ABCB1: variants seen among roughly 807,000 people sequenced by gnomAD.
The protein encoded by ABCB1 is ATP-dependent translocase ABCB1.
A neutral mutation model predicts 142.0 loss-of-function variants in ABCB1; 69 were observed. That is an observed-to-expected ratio of 0.49 (90% CI 0.40 to 0.59). The LOEUF is 0.59. Ranked by LOEUF, ABCB1 falls within the 20% of genes least tolerant of loss-of-function variation. The probability of loss-of-function intolerance (pLI) is 0.00; values close to 1 mark genes in which losing one functional copy is unlikely to be tolerated. For synonymous variants in ABCB1, 532 were observed against 539.2 expected, an observed-to-expected ratio of 0.99 and a Z score of 0.18; for missense variants, 1,326 against 1,554.7, an observed-to-expected ratio of 0.85 and a Z score of 2.47.
intron 1 of ABCB1, among the ~76,000 whole-genome samples, chr7:87,675,707 AAGAG>A (rs1156888771): frequency 2.0e-5 from 3 of 151,284 alleles, no homozygotes; most frequent in Non-Finnish European, 2.9e-5. Flanking sequence ...AAAACAAAGA[AAGAG>A]AGAGAGAAAT....
intron 1 of ABCB1, among the ~76,000 whole-genome samples, chr7:87,709,865 T>C (rs1829912546): frequency 1.3e-5 from 2 of 152,222 alleles, no homozygotes; most frequent in Admixed American, 6.5e-5. Flanking sequence ...TGATCTCTTA[T>C]ATTCTTTAGT....
Position 87,576,400 on chromosome 7 carries a change from A to C in ABCB1, c.287-6177T>G, listed in dbSNP as rs998214084. ...CACAGAGCTATACATATACACACAC[A>C]CTATATATAAGTGTGTGTGTAAGTA... On this transcript the variant is annotated intron_variant, in intron 4 of 27. Coordinates refer to ENST00000622132, the MANE Select transcript of ABCB1 (RefSeq NM_001348946.2). Among the ~76,000 whole-genome samples, 19 of 149,636 alleles carry C rather than the reference A, an allele frequency of 1.3e-4. 1 individual carries two copies. In the East Asian group the frequency reaches 3.7e-3, roughly 29 times the overall value.
At chr7:87,570,122 C>T (rs1416103267) in intron 5 of ABCB1, 50 bp downstream of exon 5, 2 of 1,519,222 alleles carry the variant, frequency 1.3e-6, no homozygotes, top group South Asian at 2.3e-5. Context: ...ATTTCTACAA[C>T]TTGATGAATA....
At chr7:87,701,160 A>G (rs1380848043) in intron 1 of ABCB1, among the ~76,000 whole-genome samples, 1 of 152,246 alleles carries the variant, frequency 6.6e-6, no homozygotes, top group Non-Finnish European at 1.5e-5. Flanking sequence ...AATTCTTTGA[A>G]TTGTGAGCTG....
At chr7:87,682,270 A>T (rs1371158635) in intron 1 of ABCB1, among the ~76,000 whole-genome samples, 1 of 152,174 alleles carries the variant, frequency 6.6e-6, no homozygotes, top group Non-Finnish European at 1.5e-5. Context: ...CATCCATGAG[A>T]GTTGGAATCA....
intron 9 of ABCB1, among the ~76,000 whole-genome samples, chr7:87,552,116 A>G (rs1254649017): frequency 1.3e-5 from 2 of 152,192 alleles, no homozygotes; most frequent in African/African-American, 4.8e-5. Context: ...TAAGACACTG[A>G]TCCTTTATCA....
chr7:87,513,177 G>T (rs1004644533), intron 25 of ABCB1, among the ~76,000 whole-genome samples: 1 of 152,130 alleles, frequency 6.6e-6, no homozygotes, highest in African/African-American at 2.4e-5. Flanking sequence ...ATAATTTTCT[G>T]CAGCTTCTTG....
rs1250043235 is a variant in ABCB1 at position 87,516,593 on chromosome 7, T to C, written c.3000A>G (p.Lys1000=). 1 of 1,614,204 alleles carries C rather than the reference T, an allele frequency of 6.2e-7. No individual in the cohort carries two copies. ...QVSSFAPDYA[K]AKISAAHIIM... is the part of the protein sequence containing the mutation. ...TGATGTGGGCTGCTGATATTTTGGC[T>C]TTGGCATAGTCAGGAGCAAATGAAC... Residue 1000 remains lysine (K), a synonymous_variant, in exon 24 of 28, where the codon AAA becomes AAG. Transcript: ENST00000622132.
chr7:87,675,363 T>G (rs568013845), intron 1 of ABCB1, among the ~76,000 whole-genome samples: 1 of 152,080 alleles, frequency 6.6e-6, no homozygotes, highest in African/African-American at 2.4e-5. Flanking sequence ...TTTCCTAAAA[T>G]TTATATCAAA....
At chr7:87,652,548 T>C (rs947242326) in intron 1 of ABCB1, among the ~76,000 whole-genome samples, 1 of 151,132 alleles carries the variant, frequency 6.6e-6, no homozygotes, top group Non-Finnish European at 1.5e-5. Context: ...GCTGATACAG[T>C]ACGAATTGTG....
chr7:87,567,425 A>G (rs1473720981), intron 5 of ABCB1, among the ~76,000 whole-genome samples: 2 of 152,220 alleles, frequency 1.3e-5, no homozygotes, highest in Non-Finnish European at 2.9e-5. Flanking sequence ...TATTTTTATT[A>G]CATCAGCATC....
At position 87,614,869 on chromosome 7, in the gene ABCB1, G is replaced by A. The variant is rs139169134; in HGVS notation, c.-330-13791C>T. On this transcript the variant is annotated intron_variant, in intron 1 of 28. Coordinates refer to the ABCB1 transcript ENST00000265724. Reference sequence around the variant, plus strand: ...TTTTTGGTGGGGGGGGCCGGGGAACGGAGTCATGCTCTGCTGCCCAGGCTG... The same window carrying A: ...TTTTTGGTGGGGGGGGCCGGGGAACAGAGTCATGCTCTGCTGCCCAGGCTG... Among the ~76,000 whole-genome samples the A allele has an allele frequency of 7.8e-3, 1,187 of 151,730 alleles. 21 individuals carry two copies. Among genetic ancestry groups the A allele is most frequent in the African/African-American group, 0.027 (1,123 of 41,400 alleles).
intron 4 of ABCB1, among the ~76,000 whole-genome samples, chr7:87,580,374 A>G (rs1406998697): frequency 6.6e-6 from 1 of 152,032 alleles, no homozygotes; most frequent in Non-Finnish European, 1.5e-5. Flanking sequence ...ATGTCACGCT[A>G]CTCTCTTCAG....
At chr7:87,522,290 A>C in intron 21 of ABCB1, 1 of 803,558 alleles carries the variant, frequency 1.2e-6, no homozygotes, top group African/African-American at 1.7e-5. Flanking sequence ...GAAGGGAGGA[A>C]ACTTTGGAGG....
chr7:87,587,534 C>T (rs918080928), intron 3 of ABCB1, among the ~76,000 whole-genome samples: 1 of 152,112 alleles, frequency 6.6e-6, no homozygotes, highest in Non-Finnish European at 1.5e-5. Context: ...TGTGAAAAGG[C>T]TTCATATGAT....
intron 1 of ABCB1, among the ~76,000 whole-genome samples, chr7:87,711,797 C>T (rs1378999389): frequency 6.6e-6 from 1 of 152,184 alleles, no homozygotes; most frequent in East Asian, 1.9e-4. Context: ...GTGTTTTCCT[C>T]ATCACAGAAG....
At chr7:87,712,822 A>G (rs1830208331) in intron 1 of ABCB1, among the ~76,000 whole-genome samples, 1 of 152,136 alleles carries the variant, frequency 6.6e-6, no homozygotes, top group South Asian at 2.1e-4. Context: ...ATATATATGT[A>G]TCTGATACAT....
upstream of ABCB1, among the ~76,000 whole-genome samples, chr7:87,601,965 A>T (rs1819471798): frequency 6.6e-6 from 1 of 152,172 alleles, no homozygotes; most frequent in Admixed American, 6.5e-5. Context: ...TCTTGGCCTT[A>T]CAATACAATG....
intron 1 of ABCB1, among the ~76,000 whole-genome samples, chr7:87,700,135 T>C (rs1366288501): frequency 1.3e-5 from 2 of 152,286 alleles, no homozygotes; most frequent in East Asian, 3.9e-4. Context: ...GGATGTTAAA[T>C]GGCAAGATAT....
Sources: gnomAD v4.1 joint callset for allele counts (sites outside exome capture counted in the v4.1 genomes callset) on GRCh38, gnomAD v4.1.1 for gene constraint, MANE v1.5 for transcripts, NCBI Gene and HGNC (gene_info 2026-07-23, HGNC 2026-07-21) for gene names.